SLC9D1: variants seen among roughly 807,000 people sequenced by gnomAD.
SLC9D1 encodes putative LAG1-interacting protein.
chr13:113,512,126 G>A, the SLC9D1 span: 1 of 144,204 alleles, frequency 6.9e-6, no homozygotes, highest in African/African-American at 2.6e-5. Flanking sequence ...TTGGTGTGTA[G>A]ATGGAGAGGG....
At chr13:113,516,637 C>T in the SLC9D1 span, among the ~76,000 whole-genome samples, 1 of 151,932 alleles carries the variant, frequency 6.6e-6, no homozygotes, top group East Asian at 1.9e-4. Context: ...CTCACCAGAG[C>T]TTAAAGGTGT....
chr13:113,537,943 CTG>C, the SLC9D1 span, among the ~76,000 whole-genome samples: 1 of 151,876 alleles, frequency 6.6e-6, no homozygotes, highest in South Asian at 2.1e-4. Flanking sequence ...GCATGTGTAC[CTG>C]TGTGCATGCA....
the SLC9D1 span, among the ~76,000 whole-genome samples, chr13:113,545,070 A>G: frequency 1.3e-5 from 2 of 152,204 alleles, no homozygotes; most frequent in Admixed American, 1.3e-4. Context: ...TGGCTCTGGG[A>G]CAGTGCTGGG....
chr13:113,542,906 G>A, the SLC9D1 span, among the ~76,000 whole-genome samples: 33 of 152,204 alleles, frequency 2.2e-4, no homozygotes, highest in African/African-American at 7.5e-4. Context: ...GCCCCTTGTC[G>A]CAGGTGAAAT....
At chr13:113,494,343 G>A in the SLC9D1 span, among the ~76,000 whole-genome samples, 1 of 151,974 alleles carries the variant, frequency 6.6e-6, no homozygotes, top group Non-Finnish European at 1.5e-5. Context: ...CCACGGTCTC[G>A]GTTTCCCACC....
chr13:113,504,073 G>A, the SLC9D1 span: 1 of 153,520 alleles, frequency 6.5e-6, no homozygotes, highest in South Asian at 2.0e-4. Context: ...AAAACACCCT[G>A]TGAATTAAGA....
At chr13:113,516,563 CT>C in the SLC9D1 span, among the ~76,000 whole-genome samples, 26,616 of 134,378 alleles carry the variant, frequency 0.2, 3,240 homozygotes, top group African/African-American at 0.38. Context: ...GAGACTCCAT[CT>C]CAAAAAAAAA....
the SLC9D1 span, among the ~76,000 whole-genome samples, chr13:113,539,041 A>G: frequency 1.3e-5 from 2 of 152,272 alleles, no homozygotes; most frequent in East Asian, 3.8e-4. This position sits in a 1 kb window ranked among gnomAD's most constrained non-coding sequence, Gnocchi z 4.8. Flanking sequence ...CAAGGTCAAG[A>G]AAATGTATCA....
At chr13:113,529,477 C>CT in the SLC9D1 span, 1 of 152,102 alleles carries the variant, frequency 6.6e-6, no homozygotes, top group Non-Finnish European at 1.5e-5. Flanking sequence ...GGTGAAACCC[C>CT]GTCTCTACTA....
chr13:113,547,909 C>T, the SLC9D1 span, among the ~76,000 whole-genome samples: 1 of 100,734 alleles, frequency 9.9e-6, no homozygotes, highest in Non-Finnish European at 1.9e-5. Flanking sequence ...GCTACTCGGC[C>T]CAAAGACACA....
chr13:113,522,639 T>C, the SLC9D1 span, among the ~76,000 whole-genome samples: 27,982 of 145,572 alleles, frequency 0.19, 3,400 homozygotes, highest in African/African-American at 0.36. Flanking sequence ...CGCGCCCGGC[T>C]GTTGTTGTTT....
chr13:113,534,400 T>A, the SLC9D1 span: 1 of 651,966 alleles, frequency 1.5e-6, no homozygotes, highest in South Asian at 2.0e-5. Flanking sequence ...ATACTACCCA[T>A]CAAAATATAA....
At chr13:113,515,060 G>C in the SLC9D1 span, among the ~76,000 whole-genome samples, 1 of 152,186 alleles carries the variant, frequency 6.6e-6, no homozygotes. Flanking sequence ...GCAAGAATGT[G>C]GAGTTGCAAG....
the SLC9D1 span, among the ~76,000 whole-genome samples, chr13:113,517,840 G>A: frequency 6.6e-6 from 1 of 150,586 alleles, no homozygotes; most frequent in African/African-American, 2.5e-5. Flanking sequence ...CACAGCACGG[G>A]GTTTACAGAC....
At chr13:113,549,315 C>CTA in the SLC9D1 span, 3 of 1,258,056 alleles carry the variant, frequency 2.4e-6, no homozygotes, top group Non-Finnish European at 3.3e-6. Context: ...CCTCAGGACT[C>CTA]TAGCTTTGCA....
the SLC9D1 span, among the ~76,000 whole-genome samples, chr13:113,521,723 T>C: frequency 6.6e-6 from 1 of 152,228 alleles, no homozygotes; most frequent in Middle Eastern, 3.4e-3. Flanking sequence ...AATTAATTTA[T>C]CCAGAAAGTT....
chr13:113,536,391 C>A, the SLC9D1 span: 1 of 199,144 alleles, frequency 5.0e-6, no homozygotes, highest in East Asian at 1.9e-4. Context: ...AAAATTGTTT[C>A]TTATATATAA....
At chr13:113,519,679 CAA>C in the SLC9D1 span, among the ~76,000 whole-genome samples, 1 of 151,340 alleles carries the variant, frequency 6.6e-6, no homozygotes, top group Admixed American at 6.6e-5. Flanking sequence ...ATTTGGACAC[CAA>C]GTCTGTGTTG....
the SLC9D1 span, among the ~76,000 whole-genome samples, chr13:113,516,342 A>T: frequency 6.6e-6 from 1 of 152,204 alleles, no homozygotes. Context: ...AGGCAGGTGG[A>T]TCACATCAGG....
Sources: allele counts gnomAD v4.1 joint callset (sites outside exome capture counted in the v4.1 genomes callset), GRCh38; gene constraint gnomAD v4.1.1; non-coding constraint Gnocchi (gnomAD v3.1); transcripts MANE v1.5; gene names NCBI Gene and HGNC (gene_info 2026-07-23, HGNC 2026-07-21).